BEST3: variants seen among roughly 807,000 people sequenced by gnomAD.
BEST3 encodes bestrophin 3.
In BEST3, 50 loss-of-function variants were observed where a neutral mutation model predicts 47.1. The observed-to-expected ratio is 1.06, with a 90% CI of 0.85 to 1.34. BEST3 has a LOEUF of 1.34. Ranked by LOEUF, BEST3 falls within the 40% of genes most tolerant of loss-of-function variation. The pLI is 0.00. For missense variants in BEST3, 765 were observed against 817.0 expected (o/e 0.94, Z 0.78); for synonymous variants, 282 against 298.8 (o/e 0.94, Z 0.58).
At chr12:69,672,179 A>G (rs1884617531) in intron 8 of BEST3, among the ~76,000 whole-genome samples, 1 of 152,198 alleles carries the variant, frequency 6.6e-6, no homozygotes. Flanking sequence ...TGACCTAGGC[A>G]TTATGCGTCC....
chr12:69,653,721 C>G lies in BEST3; in HGVS notation c.*1186G>C, dbSNP rs1883291693. The G allele has an allele frequency of 1.0e-6, 1 of 985,302 alleles. No homozygotes were observed. The highest frequency in any genetic ancestry group is 1.7e-5 in the African/African-American group (1 of 57,224). 61.0% of individuals were successfully genotyped at this position (985,302 alleles called of 1,614,324 possible). ...GGCCTAGGCACTTGGGAGCCCACGA[C>G]AAACAGCTGTCCTGAGAGCTCCCTG... is the stretch of plus-strand genomic sequence containing the variant. On this transcript the variant is annotated 3_prime_UTR_variant, in exon 10 of 10. Coordinates refer to ENST00000330891, the MANE Select transcript of BEST3 (RefSeq NM_032735.3).
At chr12:69,647,796 G>C in intron 9 of BEST3, among the ~76,000 whole-genome samples, 1 of 152,048 alleles carries the variant, frequency 6.6e-6, no homozygotes, top group East Asian at 1.9e-4. Flanking sequence ...AAATACCATG[G>C]ATACTTTTAA....
chr12:69,666,599 T>G (rs1172610331), intron 9 of BEST3, among the ~76,000 whole-genome samples: 3 of 152,168 alleles, frequency 2.0e-5, no homozygotes, highest in Non-Finnish European at 4.4e-5. Context: ...TGACCACCCT[T>G]TCAGTAATAG....
At position 69,697,643 on chromosome 12, in the gene BEST3, G is replaced by C; in HGVS notation, c.152+4C>G. On this transcript the variant is annotated splice_donor_region_variant and intron_variant, in intron 2 of 9. Transcript: ENST00000330891. ...CATTTAAGGAGACATGTAAAGAAAA[G>C]TACCTGTATACCAAACTTATTGCTG... 1 of 1,571,526 alleles carries C rather than the reference G, an allele frequency of 6.4e-7. No homozygotes were observed. Among genetic ancestry groups the C allele is most frequent in the Non-Finnish European group, 8.6e-7 (1 of 1,160,646 alleles).
intron 4 of BEST3, among the ~76,000 whole-genome samples, chr12:69,680,326 T>TTTTTTTTTTTTTTTTTTTTTA (rs1555207061): frequency 6.9e-6 from 1 of 144,914 alleles, no homozygotes; most frequent in East Asian, 2.0e-4. Context: ...TTTTTTTTTT[T>TTTTTTTTTTTTTTTTTTTTTA]TAGATGGAGT....
chr12:69,655,472 AAAGT>A lies in BEST3; in HGVS notation c.1438_1441del (p.Thr480TyrfsTer4). On this transcript the variant is annotated frameshift_variant, in exon 10 of 10. Coordinates refer to ENST00000330891, the MANE Select transcript of BEST3 (RefSeq NM_032735.3). LOFTEE classifies it low-confidence loss of function (END_TRUNC). The stretch of plus-strand genomic sequence containing the variant: ...ACTGGACTGTGGGGTCAGGCTCTGT[AAAGT>A]GCTTGTCTGGCTGGTCTCCCTGATG... 1 of 1,614,120 alleles carries A rather than the reference AAAGT, an allele frequency of 6.2e-7. No individual in the cohort carries two copies. The highest frequency in any genetic ancestry group is 8.5e-7 in the Non-Finnish European group (1 of 1,180,012).
At chr12:69,691,603 C>T (rs575950486) in intron 4 of BEST3, among the ~76,000 whole-genome samples, 43 of 152,182 alleles carry the variant, frequency 2.8e-4, no homozygotes, top group Admixed American at 8.5e-4. Flanking sequence ...GACCATCCTG[C>T]CAACATGGTG....
chr12:69,644,768 C>T (rs1004334945), intron 9 of BEST3, among the ~76,000 whole-genome samples: 1 of 152,160 alleles, frequency 6.6e-6, no homozygotes, highest in Non-Finnish European at 1.5e-5. Flanking sequence ...ACAAACTCCA[C>T]TTTCTTTTGC....
At chr12:69,689,341 G>A in intron 4 of BEST3, 13 of 857,112 alleles carry the variant, frequency 1.5e-5, no homozygotes, top group Non-Finnish European at 1.5e-5. Context: ...CCGGCCTGGG[G>A]CAGCCAGGAA....
chr12:69,693,947 C>A, intron 3 of BEST3, 40 bp from the exon 4 acceptor site: 2 of 1,466,406 alleles, frequency 1.4e-6, no homozygotes, highest in Non-Finnish European at 1.9e-6. Flanking sequence ...TTTCTTACAG[C>A]AGACACGTTG....
At position 69,670,586 on chromosome 12, in the gene BEST3, T is replaced by C. The variant is rs1028242563; in HGVS notation, c.1100+842A>G. ...GGGTTGAAGCGAGATCTCCTGAAAG[T>C]AGAAGGAGGAGGGCAGGCCACTTCA... is the stretch of plus-strand genomic sequence containing the variant. On this transcript the variant is annotated intron_variant, in intron 9 of 9. Transcript: ENST00000330891. 1.1e-5 allele frequency: 8 copies of C among 701,754 alleles called. No individual in the cohort carries two copies. The African/African-American group carries it at 1.2e-4, about 11-fold the overall frequency. 43.5% of individuals were successfully genotyped at this position (701,754 alleles called of 1,614,324 possible). A position where few individuals can be genotyped will look rare whatever the true frequency, so the allele number is the denominator to read the frequency against.
At chr12:69,694,944 T>G (rs905843459) in intron 2 of BEST3, among the ~76,000 whole-genome samples, 1 of 152,182 alleles carries the variant, frequency 6.6e-6, no homozygotes, top group African/African-American at 2.4e-5. Flanking sequence ...ATGTGTATAA[T>G]ATCCCTTCAA....
downstream of BEST3, among the ~76,000 whole-genome samples, chr12:69,653,119 G>A (rs886283219): frequency 3.9e-5 from 6 of 152,216 alleles, no homozygotes; most frequent in South Asian, 2.1e-4. Context: ...TGAACATTGC[G>A]TATCAGGAGG....
intron 8 of BEST3, 39 bp downstream of exon 8, chr12:69,672,846 A>G (rs756397536): frequency 7.0e-7 from 1 of 1,427,190 alleles, no homozygotes; most frequent in Non-Finnish European, 9.8e-7. Context: ...CAAGTGATTT[A>G]TTATTAACAT....
At position 69,655,794 on chromosome 12, in the gene BEST3, G is replaced by A. The variant is rs747799370; in HGVS notation, c.1120C>T (p.Pro374Ser). ...TAATCCCACAGCCACTCCTCGTCAG[G>A]AAAGTCGGACCCAGACAGCCTGAAA... Reference protein sequence around the residue: ...VQMGLSGSDFPDEEWLWDYEK... With the variant: ...VQMGLSGSDFSDEEWLWDYEK... The change falls in exon 10 of 10, where the codon CCT becomes TCT. Residue 374 changes from proline to serine, a missense_variant. Transcript: ENST00000330891. 7 of 1,609,268 alleles carry A rather than the reference G, an allele frequency of 4.3e-6. No homozygotes were observed. In the African/African-American group the frequency reaches 8.0e-5, roughly 18 times the overall value.
chr12:69,694,924 C>G (rs2136048652), intron 2 of BEST3, among the ~76,000 whole-genome samples: 1 of 152,184 alleles, frequency 6.6e-6, no homozygotes, highest in African/African-American at 2.4e-5. Context: ...TTAGCACATT[C>G]TTGATTATCA....
intron 2 of BEST3, 117 bp from the exon 3 acceptor site, chr12:69,694,581 A>G (rs1886065929): frequency 4.1e-6 from 2 of 487,592 alleles, no homozygotes; most frequent in South Asian, 5.1e-5. Context: ...TGAAGGATCA[A>G]TAATTTTTTC....
downstream of BEST3, among the ~76,000 whole-genome samples, chr12:69,649,235 C>T (rs566693883): frequency 4.5e-4 from 69 of 152,318 alleles, no homozygotes; most frequent in African/African-American, 1.6e-3. Context: ...TGACCTCAAG[C>T]GACCTGCCCG....
chr12:69,645,625 A>G (rs1302030069), intron 9 of BEST3, among the ~76,000 whole-genome samples: 3 of 152,160 alleles, frequency 2.0e-5, no homozygotes, highest in African/African-American at 7.2e-5. Flanking sequence ...AGCCTAGGGG[A>G]CCTGTGTTCA....
Sources: allele counts gnomAD v4.1 joint callset (sites outside exome capture counted in the v4.1 genomes callset), GRCh38; gene constraint gnomAD v4.1.1; transcripts MANE v1.5; gene names NCBI Gene and HGNC (gene_info 2026-07-23, HGNC 2026-07-21).